The following PDE3A variants were observed in gnomAD, a reference collection of about 807,000 sequenced individuals.
The protein encoded by PDE3A is cGMP-inhibited 3',5'-cyclic phosphodiesterase 3A.
PDE3A carries 43 observed loss-of-function variants against 98.3 expected under a neutral mutation model. That is an observed-to-expected ratio of 0.44 (90% CI 0.34 to 0.56). The LOEUF is 0.56. Ranked by LOEUF, PDE3A falls within the 20% of genes least tolerant of loss-of-function variation. PDE3A has a pLI of 0.01. For missense variants in PDE3A, 1,427 were observed against 1,440.7 expected (o/e 0.99, Z 0.15); for synonymous variants, 663 against 567.9 (o/e 1.17, Z -2.38).
chr12:20,654,128 C>G lies in PDE3A; in HGVS notation c.3107C>G (p.Thr1036Ser). ...WVEDSDESGD[T>S]DDPEEEEEEA... Reference sequence around the variant, plus strand: ...GAAGACAGCGATGAGTCAGGAGATACTGATGACCCAGAAGAAGAGGAGGAA... The same window carrying G: ...GAAGACAGCGATGAGTCAGGAGATAGTGATGACCCAGAAGAAGAGGAGGAA... Residue 1036 changes from threonine (T) to serine (S), a missense_variant, in exon 15 of 16, where the codon ACT becomes AGT. By Grantham distance (58) the Thr-to-Ser change is moderately conservative. Transcript: ENST00000359062. 6.2e-7 allele frequency: 1 copy of G among 1,613,982 alleles called. No homozygotes were observed. The highest frequency in any genetic ancestry group is 8.5e-7 in the Non-Finnish European group (1 of 1,179,884).
intron 1 of PDE3A, among the ~76,000 whole-genome samples, chr12:20,381,433 G>A (rs1403124431): frequency 1.3e-5 from 2 of 151,682 alleles, no homozygotes; most frequent in African/African-American, 4.8e-5. Flanking sequence ...GTCTTTTGAG[G>A]GCATAATATT....
At chr12:20,405,226 A>G (rs1237765185) in intron 1 of PDE3A, among the ~76,000 whole-genome samples, 3 of 152,052 alleles carry the variant, frequency 2.0e-5, no homozygotes, top group Non-Finnish European at 2.9e-5. Context: ...CCATTCTATT[A>G]TGGGTGTCTA....
At chr12:20,545,301 AATAG>A (rs777930832) in intron 1 of PDE3A, among the ~76,000 whole-genome samples, 1 of 152,068 alleles carries the variant, frequency 6.6e-6, no homozygotes, top group Admixed American at 6.6e-5. Flanking sequence ...CATTATCAGA[AATAG>A]ATAGAGAAAT....
intron 2 of PDE3A, among the ~76,000 whole-genome samples, chr12:20,567,001 G>A (rs1413669603): frequency 2.0e-5 from 3 of 151,888 alleles, no homozygotes; most frequent in Non-Finnish European, 4.4e-5. Context: ...AGTTTTTAAA[G>A]AGTACTCCAA....
chr12:20,399,471 A>G (rs1235164288), intron 1 of PDE3A, among the ~76,000 whole-genome samples: 1 of 152,178 alleles, frequency 6.6e-6, no homozygotes, highest in African/African-American at 2.4e-5. Context: ...AGCTTACAGG[A>G]AGAGAATGAA....
intron 1 of PDE3A, among the ~76,000 whole-genome samples, chr12:20,473,429 C>T (rs553006143): frequency 6.6e-6 from 1 of 152,274 alleles, no homozygotes; most frequent in East Asian, 1.9e-4. Flanking sequence ...TTGGAAGAGA[C>T]AACTAGGAAG....
chr12:20,639,493 A>G (rs7135532), intron 9 of PDE3A, among the ~76,000 whole-genome samples: 33,778 of 151,900 alleles, frequency 0.22, 3,927 homozygotes, highest in Middle Eastern at 0.27. Context: ...AAAATCATGA[A>G]ATTTTCATTA....
intron 1 of PDE3A, chr12:20,450,063 C>T: frequency 3.4e-6 from 2 of 585,400 alleles, no homozygotes; most frequent in Admixed American, 4.7e-5. Context: ...TTTCTTCAAG[C>T]TCCTTCATCA....
At chr12:20,385,288 G>A (rs543140069) in intron 1 of PDE3A, among the ~76,000 whole-genome samples, 23 of 152,092 alleles carry the variant, frequency 1.5e-4, no homozygotes, top group East Asian at 9.7e-4. Flanking sequence ...GTCAGGAAGC[G>A]ACAGGTGCTG....
At chr12:20,599,682 T>G (rs1943543057) in intron 2 of PDE3A, among the ~76,000 whole-genome samples, 1 of 152,172 alleles carries the variant, frequency 6.6e-6, no homozygotes, top group Non-Finnish European at 1.5e-5. Flanking sequence ...TATTTATCAT[T>G]CCACTGTGTT....
chr12:20,466,525 AC>A (rs1284156888), intron 1 of PDE3A, among the ~76,000 whole-genome samples: 1 of 152,222 alleles, frequency 6.6e-6, no homozygotes, highest in African/African-American at 2.4e-5. Context: ...CATGAGTAAT[AC>A]TTCGAATGTG....
rs1945815419 is a variant in PDE3A, at chr12:20,682,449, G to A, written c.*2178G>A. 6.6e-6 allele frequency: 1 copy of A among 152,034 alleles called. No individual in the cohort carries two copies. The highest frequency in any genetic ancestry group is 2.1e-4 in the South Asian group (1 of 4,828). The allele number at this position is 152,034 out of a possible 1,614,324, so 9.4% of individuals were successfully genotyped here. ...TAATTCATGGCATTTTAAAAAATAA[G>A]GCAAAGATAATACGACAAAAAATAT... On this transcript the variant is annotated 3_prime_UTR_variant, in exon 16 of 16. Coordinates refer to ENST00000359062, the MANE Select transcript of PDE3A (RefSeq NM_000921.5).
chr12:20,580,291 T>A (rs572441797), intron 2 of PDE3A, among the ~76,000 whole-genome samples: 1 of 152,216 alleles, frequency 6.6e-6, no homozygotes, highest in South Asian at 2.1e-4. Flanking sequence ...ACATGGCTCC[T>A]TACCTCAAAA....
At chr12:20,442,347 C>T (rs2120847962) in intron 1 of PDE3A, among the ~76,000 whole-genome samples, 1 of 152,228 alleles carries the variant, frequency 6.6e-6, no homozygotes, top group South Asian at 2.1e-4. Flanking sequence ...AAAAGATTTC[C>T]CTCATGTTTG....
In PDE3A at chr12:20,422,464, A is replaced by G. The variant is rs370167297; in HGVS notation, c.960+52220A>G. Among the ~76,000 whole-genome samples the G allele has an allele frequency of 5.6e-3, 853 of 152,320 alleles. 6 individuals are homozygous for G. Among genetic ancestry groups the G allele is most frequent in the Non-Finnish European group, 8.6e-3 (585 of 68,032 alleles). On this transcript the variant is annotated intron_variant, in intron 1 of 15. Transcript: ENST00000359062. ...GGGTATCAGAAGAATGGAATCTAAT[A>G]TGAAGTTGAGGTCATATATTAAATC...
At chr12:20,545,074 T>C (rs1159607408) in intron 1 of PDE3A, among the ~76,000 whole-genome samples, 1 of 152,074 alleles carries the variant, frequency 6.6e-6, no homozygotes, top group African/African-American at 2.4e-5. Context: ...ATGAGACTGA[T>C]GTGATTACAT....
intron 1 of PDE3A, among the ~76,000 whole-genome samples, chr12:20,486,220 G>T (rs1945724488): frequency 6.6e-6 from 1 of 152,100 alleles, no homozygotes; most frequent in Admixed American, 6.5e-5. Flanking sequence ...ACATGGCTGG[G>T]GAGGCCTCGG....
intron 15 of PDE3A, among the ~76,000 whole-genome samples, chr12:20,666,628 A>AATAATATTC (rs1478938563): frequency 6.6e-6 from 1 of 152,160 alleles, no homozygotes; most frequent in Admixed American, 6.5e-5. Flanking sequence ...TTTATGTCTG[A>AATAATATTC]ATATTATTCC....
At chr12:20,557,662 T>C (rs1358336931) in intron 2 of PDE3A, among the ~76,000 whole-genome samples, 3 of 152,218 alleles carry the variant, frequency 2.0e-5, no homozygotes, top group Non-Finnish European at 2.9e-5. Context: ...TGAATAACTC[T>C]ACTTAATTCC....
Sources: allele counts gnomAD v4.1 joint callset (sites outside exome capture counted in the v4.1 genomes callset), GRCh38; gene constraint gnomAD v4.1.1; transcripts MANE v1.5; gene names NCBI Gene and HGNC (gene_info 2026-07-23, HGNC 2026-07-21).